The following CCDC66 variants were observed in gnomAD, a reference collection of about 807,000 sequenced individuals.
The protein encoded by CCDC66 is coiled-coil domain-containing protein 66.
A neutral mutation model predicts 128.3 loss-of-function variants in CCDC66; 133 were observed. The ratio of observed to expected loss-of-function variants is 1.04; its 90% CI spans 0.90 to 1.20. The LOEUF (loss-of-function observed/expected upper bound fraction) is 1.20. Among genes scored for constraint, CCDC66 ranks in the 50% most tolerant of loss-of-function variants. The pLI, the probability that CCDC66 is intolerant of heterozygous loss-of-function variation, is 0.00. For missense variants in CCDC66, 1,126 were observed against 1,075.5 expected (o/e 1.05, Z -0.66); for synonymous variants, 387 against 357.0 (o/e 1.08, Z -0.95).
intron 7 of CCDC66, among the ~76,000 whole-genome samples, chr3:56,586,733 T>TA (rs2069832851): frequency 6.6e-6 from 1 of 151,518 alleles, no homozygotes; most frequent in African/African-American, 2.4e-5. Flanking sequence ...GAGACATACT[T>TA]ACAATAAAAT....
In CCDC66 at chr3:56,613,783, TTTTG is replaced by T. The variant is rs1292423428; in HGVS notation, c.1566+39_1566+42del. 6.3e-6 allele frequency: 10 copies of T among 1,576,258 alleles called. No individual in the cohort carries two copies. In the African/African-American group the frequency reaches 8.2e-5, roughly 13 times the overall value. ...CTTACATTCTAATTGTAACTTTGGT[TTTTG>T]TTTGTGTTTTTGAGACAGGGTCTCA... On this transcript the variant is annotated intron_variant, in intron 11 of 17. Transcript: ENST00000394672.
intron 7 of CCDC66, among the ~76,000 whole-genome samples, chr3:56,575,297 G>C (rs980166137): frequency 2.0e-5 from 3 of 151,794 alleles, no homozygotes; most frequent in Non-Finnish European, 2.9e-5. Flanking sequence ...CAATGGTTGT[G>C]AAATGGTATC....
chr3:56,577,798 A>G (rs928324694), intron 7 of CCDC66, among the ~76,000 whole-genome samples: 18 of 151,834 alleles, frequency 1.2e-4, no homozygotes, highest in African/African-American at 3.9e-4. Flanking sequence ...TGGTACCAGT[A>G]CCATGCTGCT....
chr3:56,580,548 C>T (rs6790915), intron 7 of CCDC66, among the ~76,000 whole-genome samples: 49,462 of 151,396 alleles, frequency 0.33, 8,933 homozygotes, highest in East Asian at 0.53. Flanking sequence ...TGGCTGGTAC[C>T]GGTTGTTCCT....
At chr3:56,560,965 T>G (rs1280688321) in intron 3 of CCDC66, 3 of 455,640 alleles carry the variant, frequency 6.6e-6, no homozygotes, top group Non-Finnish European at 8.8e-6. Flanking sequence ...CAGGTTTAAT[T>G]AAGGTGAAGA....
chr3:56,604,576 CT>C (rs879716072), intron 10 of CCDC66, among the ~76,000 whole-genome samples: 141 of 144,494 alleles, frequency 9.8e-4, no homozygotes, highest in African/African-American at 2.4e-3. Context: ...GTTGAAAATT[CT>C]TTTTTTTTTT....
intron 13 of CCDC66, 38 bp downstream of exon 13, chr3:56,616,091 C>T (rs2107376801): frequency 1.3e-6 from 2 of 1,534,344 alleles, no homozygotes; most frequent in Non-Finnish European, 1.8e-6. Flanking sequence ...TTAAAATTTA[C>T]TTAAAGTCAT....
intron 10 of CCDC66, among the ~76,000 whole-genome samples, chr3:56,602,147 A>G (rs937582522): frequency 2.0e-5 from 3 of 152,054 alleles, no homozygotes; most frequent in African/African-American, 7.3e-5. Flanking sequence ...CGTTCCATCA[A>G]TACCTAGTTT....
chr3:56,582,849 TTTATTATTATTATTATTATTATTA>T (rs66485521), intron 7 of CCDC66, among the ~76,000 whole-genome samples: 3 of 134,888 alleles, frequency 2.2e-5, no homozygotes, highest in Non-Finnish European at 4.7e-5. Flanking sequence ...CTCAACTTTC[TTTATTATTATTATTATTATTATTA>T]TTATTATTAT....
At chr3:56,580,519 A>C in intron 7 of CCDC66, among the ~76,000 whole-genome samples, 1 of 151,624 alleles carries the variant, frequency 6.6e-6, no homozygotes, top group Middle Eastern at 3.4e-3. Context: ...GGTCTTTACA[A>C]TTTGGCATGT....
At chr3:56,606,674 C>T (rs550681642) in intron 10 of CCDC66, among the ~76,000 whole-genome samples, 3 of 152,112 alleles carry the variant, frequency 2.0e-5, no homozygotes, top group Non-Finnish European at 4.4e-5. Flanking sequence ...AGAAATCACC[C>T]GCCTTCTGTG....
At chr3:56,568,080 C>T (rs752437924) in intron 6 of CCDC66, among the ~76,000 whole-genome samples, 3 of 152,096 alleles carry the variant, frequency 2.0e-5, no homozygotes, top group Non-Finnish European at 4.4e-5. Flanking sequence ...TTAAAGGTGT[C>T]AGACTCGGTT....
intron 10 of CCDC66, among the ~76,000 whole-genome samples, chr3:56,603,496 C>T (rs777831572): frequency 6.6e-6 from 1 of 152,016 alleles, no homozygotes; most frequent in Non-Finnish European, 1.5e-5. Context: ...TCTTTGTTCT[C>T]ATTGGTTTCA....
intron 10 of CCDC66, among the ~76,000 whole-genome samples, chr3:56,596,342 TGTC>T (rs1284237335): frequency 6.6e-6 from 1 of 152,252 alleles, no homozygotes; most frequent in Non-Finnish European, 1.5e-5. Flanking sequence ...GCCATTTATA[TGTC>T]TTCTTTAGAA....
chr3:56,618,135 A>G (rs757444808), intron 14 of CCDC66, 37 bp from the exon 15 acceptor site: 2 of 1,507,132 alleles, frequency 1.3e-6, no homozygotes, highest in Non-Finnish European at 9.2e-7. Context: ...TGAAGATGCT[A>G]TATATTCCTT....
intron 7 of CCDC66, among the ~76,000 whole-genome samples, chr3:56,574,150 T>C (rs896126434): frequency 2.6e-5 from 4 of 151,244 alleles, no homozygotes; most frequent in African/African-American, 9.7e-5. Context: ...GATCACGAGG[T>C]CATGAGATTG....
chr3:56,607,369 G>A (rs2074224926), intron 10 of CCDC66, among the ~76,000 whole-genome samples: 3 of 152,042 alleles, frequency 2.0e-5, no homozygotes, highest in Non-Finnish European at 4.4e-5. Context: ...TCCTTTGTTA[G>A]GTATATTCCT....
At position 56,563,928 on chromosome 3, in the gene CCDC66, C is replaced by T. The variant is rs764543318; in HGVS notation, c.347C>T (p.Pro116Leu). The change falls in exon 4 of 18, where the codon CCT (proline) becomes CTT (leucine). Residue 116 changes from proline to leucine, a missense_variant. Transcript: ENST00000394672. Reference protein sequence around the residue: ...HIQKEISPATPNMQKTRNTVN... With the variant: ...HIQKEISPATLNMQKTRNTVN... Reference sequence around the variant, plus strand: ...CAGAAAGAGATTTCACCTGCAACCCCTAATATGCAGAAGACTAGAAACACC... The same window carrying T: ...CAGAAAGAGATTTCACCTGCAACCCTTAATATGCAGAAGACTAGAAACACC... 6 of 1,613,636 alleles carry T rather than the reference C, an allele frequency of 3.7e-6. No individual in the cohort carries two copies. In the East Asian group the frequency reaches 1.3e-4, roughly 36 times the overall value.
intron 10 of CCDC66, among the ~76,000 whole-genome samples, chr3:56,597,836 G>A (rs1217275596): frequency 7.8e-6 from 1 of 128,678 alleles, no homozygotes; most frequent in African/African-American, 2.9e-5. Flanking sequence ...GTGCAGTGGC[G>A]CGATCTCATC....
Sources: allele counts gnomAD v4.1 joint callset (sites outside exome capture counted in the v4.1 genomes callset), GRCh38; gene constraint gnomAD v4.1.1; transcripts MANE v1.5; gene names NCBI Gene and HGNC (gene_info 2026-07-23, HGNC 2026-07-21).